Variants in SLC10A7 observed in about 807,000 individuals in gnomAD.
SLC10A7 encodes solute carrier family 10 member 7.
Under a neutral mutation model 43.2 loss-of-function variants are expected in SLC10A7, and 29 were observed. The observed-to-expected ratio is 0.67, with a 90% confidence interval of 0.50 to 0.92. The LOEUF (loss-of-function observed/expected upper bound fraction) is 0.92. SLC10A7 is among the 40% of genes least tolerant of loss of function. The probability of loss-of-function intolerance (pLI) is 0.00; values close to 1 mark genes in which losing one functional copy is unlikely to be tolerated. For missense variants in SLC10A7, 295 were observed against 403.2 expected (o/e 0.73, Z 2.30); for synonymous variants, 152 against 144.8 (o/e 1.05, Z -0.35).
At chr4:146,420,689 G>A (rs1173254965) in intron 5 of SLC10A7, among the ~76,000 whole-genome samples, 1 of 151,736 alleles carries the variant, frequency 6.6e-6, no homozygotes, top group Non-Finnish European at 1.5e-5. Context: ...TTTTTTTTAG[G>A]GGTCAGAGAT....
chr4:146,407,324 A>G (rs1727790410), intron 5 of SLC10A7, among the ~76,000 whole-genome samples: 1 of 152,220 alleles, frequency 6.6e-6, no homozygotes, highest in South Asian at 2.1e-4. Flanking sequence ...ACCACAATCA[A>G]GTTAACGGAC....
intron 5 of SLC10A7, among the ~76,000 whole-genome samples, chr4:146,438,275 A>G (rs1331089725): frequency 2.7e-4 from 41 of 152,068 alleles, no homozygotes; most frequent in Non-Finnish European, 1.5e-5. Context: ...TTGATCTGGC[A>G]TGAAAAGAAA....
chr4:146,499,342 T>C (rs1285533634), intron 4 of SLC10A7, among the ~76,000 whole-genome samples: 4 of 152,114 alleles, frequency 2.6e-5, no homozygotes, highest in Non-Finnish European at 4.4e-5. Context: ...AAAAGCAGAA[T>C]CAGGGCCTTC....
intron 5 of SLC10A7, among the ~76,000 whole-genome samples, chr4:146,432,942 G>A (rs113756790): frequency 0.011 from 1,644 of 151,488 alleles, 8 homozygotes; most frequent in Non-Finnish European, 0.016. Flanking sequence ...GGAGGCTGAG[G>A]CAGGAGAATA....
chr4:146,342,854 T>C (rs542996076), intron 5 of SLC10A7, among the ~76,000 whole-genome samples: 1 of 151,778 alleles, frequency 6.6e-6, no homozygotes, highest in Admixed American at 6.6e-5. Flanking sequence ...ATTAGTTGTG[T>C]GGTTGATTCT....
At chr4:146,511,968 T>TG (rs1737512181) in intron 2 of SLC10A7, among the ~76,000 whole-genome samples, 1 of 100,456 alleles carries the variant, frequency 1.0e-5, no homozygotes, top group African/African-American at 4.0e-5. Flanking sequence ...TTGCATATAC[T>TG]CTTTTTTTTT....
At chr4:146,447,289 T>G (rs962998289) in intron 4 of SLC10A7, among the ~76,000 whole-genome samples, 1 of 152,124 alleles carries the variant, frequency 6.6e-6, no homozygotes, top group Non-Finnish European at 1.5e-5. Context: ...TTAATTTTTT[T>G]GTAGAGACAG....
At chr4:146,423,055 G>T (rs1729070823) in intron 5 of SLC10A7, among the ~76,000 whole-genome samples, 1 of 152,104 alleles carries the variant, frequency 6.6e-6, no homozygotes, top group Middle Eastern at 3.4e-3. Flanking sequence ...GAACAATTGT[G>T]TATAAAAATA....
At chr4:146,374,363 C>T (rs926779594) in intron 5 of SLC10A7, among the ~76,000 whole-genome samples, 7 of 151,584 alleles carry the variant, frequency 4.6e-5, no homozygotes, top group Non-Finnish European at 1.0e-4. Context: ...CCGAGGCAGG[C>T]AGATCACTTG....
intron 5 of SLC10A7, among the ~76,000 whole-genome samples, chr4:146,380,621 A>G (rs767806204): frequency 1.3e-5 from 2 of 152,160 alleles, no homozygotes; most frequent in Non-Finnish European, 2.9e-5. Flanking sequence ...GCTAAAGGCT[A>G]CAAAGATGAA....
intron 5 of SLC10A7, among the ~76,000 whole-genome samples, chr4:146,337,034 A>T (rs1404762340): frequency 5.0e-4 from 76 of 152,158 alleles, no homozygotes; most frequent in African/African-American, 1.8e-3. Flanking sequence ...GTTAAGAGTG[A>T]CAAAAACAAT....
intron 4 of SLC10A7, among the ~76,000 whole-genome samples, chr4:146,482,587 A>AG (rs1380814435): frequency 1.3e-5 from 2 of 151,410 alleles, no homozygotes; most frequent in Non-Finnish European, 2.9e-5. Context: ...AAATAAGAAA[A>AG]AAAAAAGGCA....
At chr4:146,484,648 A>G (rs1734765008) in intron 4 of SLC10A7, among the ~76,000 whole-genome samples, 1 of 152,184 alleles carries the variant, frequency 6.6e-6, no homozygotes, top group Non-Finnish European at 1.5e-5. Flanking sequence ...ACATGAGGAC[A>G]ATAGGTAATA....
chr4:146,378,969 A>G (rs1489997037), intron 5 of SLC10A7, among the ~76,000 whole-genome samples: 1 of 151,912 alleles, frequency 6.6e-6, no homozygotes, highest in Non-Finnish European at 1.5e-5. Context: ...CCCATAATAT[A>G]CCCTTTCCAG....
chr4:146,356,813 T>C (rs976435618), intron 5 of SLC10A7, among the ~76,000 whole-genome samples: 3 of 152,316 alleles, frequency 2.0e-5, no homozygotes, highest in East Asian at 1.9e-4. Flanking sequence ...AATAAACTTG[T>C]TGAATCAACA....
chr4:146,472,442 T>G (rs1166198446), intron 4 of SLC10A7, among the ~76,000 whole-genome samples: 1 of 151,806 alleles, frequency 6.6e-6, no homozygotes, highest in African/African-American at 2.4e-5. Context: ...TTCTGTTTTT[T>G]TTTTTTTTTT....
chr4:146,293,047 A>C, intron 8 of SLC10A7, 67 bp from the exon 9 acceptor site: 1 of 995,512 alleles, frequency 1.0e-6, no homozygotes, highest in Non-Finnish European at 1.5e-6. Flanking sequence ...ACTTATTGGT[A>C]TACTTGTTTT....
intron 3 of SLC10A7, among the ~76,000 whole-genome samples, chr4:146,505,968 A>C (rs984236854): frequency 2.0e-5 from 3 of 152,190 alleles, no homozygotes; most frequent in Non-Finnish European, 4.4e-5. Context: ...AAAGCCACCT[A>C]TCTGGGGTAA....
chr4:146,338,879 T>A (rs1366107685), intron 5 of SLC10A7, among the ~76,000 whole-genome samples: 4 of 151,996 alleles, frequency 2.6e-5, no homozygotes, highest in Non-Finnish European at 4.4e-5. Context: ...GGAAGGTTTT[T>A]AAAAGAGATT....
Sources: gnomAD v4.1 joint callset for allele counts (sites outside exome capture counted in the v4.1 genomes callset) on GRCh38, gnomAD v4.1.1 for gene constraint, MANE v1.5 for transcripts, NCBI Gene and HGNC (gene_info 2026-07-23, HGNC 2026-07-21) for gene names.